Variants in FOXP1 observed in about 807,000 individuals in gnomAD.
FOXP1 encodes the protein forkhead box P1.
In FOXP1, 15 loss-of-function variants were observed where a neutral mutation model predicts 98.2. That is an observed-to-expected ratio of 0.15 (90% CI 0.10 to 0.24). The LOEUF (loss-of-function observed/expected upper bound fraction) is 0.24, where lower values mean the gene tolerates loss of function less well. Ranked by LOEUF, FOXP1 falls within the 10% of genes least tolerant of loss-of-function variation. The pLI, the probability that FOXP1 is intolerant of heterozygous loss-of-function variation, is 1.00. For missense variants in FOXP1, 633 were observed against 848.5 expected, an observed-to-expected ratio of 0.75 and a Z score of 3.15; for synonymous variants, 371 against 314.5, an observed-to-expected ratio of 1.18 and a Z score of -1.90.
intron 4 of FOXP1, among the ~76,000 whole-genome samples, chr3:71,345,497 C>G (rs2077280819): frequency 6.6e-6 from 1 of 151,284 alleles, no homozygotes; most frequent in Admixed American, 6.6e-5. Context: ...TGAAAAGATG[C>G]CTTTAGCTTT....
chr3:71,180,596 G>A lies in FOXP1; in HGVS notation c.180+17606C>T, dbSNP rs371538184. Among the ~76,000 whole-genome samples, 3 of 151,928 alleles carry A rather than the reference G, an allele frequency of 2.0e-5. No homozygotes were observed. In the East Asian group the frequency reaches 5.8e-4, roughly 29 times the overall value. On this transcript the variant is annotated intron_variant, in intron 6 of 20. Transcript: ENST00000649528. ...AACATGGTAGATTTTTTTCTCCCTT[G>A]CCTGTATTTGATTTCCAATTAAAAT...
intron 2 of FOXP1, among the ~76,000 whole-genome samples, chr3:71,522,557 T>C (rs2043072592): frequency 6.6e-6 from 1 of 152,218 alleles, no homozygotes; most frequent in Non-Finnish European, 1.5e-5. Context: ...GAAAAGGTAC[T>C]GGCCACCTCC....
intron 2 of FOXP1, among the ~76,000 whole-genome samples, chr3:71,551,713 C>A (rs2045793018): frequency 6.6e-6 from 1 of 152,150 alleles, no homozygotes; most frequent in Non-Finnish European, 1.5e-5. Context: ...AGGATCATTG[C>A]CACATAGGTG....
intron 5 of FOXP1, among the ~76,000 whole-genome samples, chr3:71,250,172 T>C (rs1386937860): frequency 1.3e-5 from 2 of 152,244 alleles, no homozygotes; most frequent in Non-Finnish European, 2.9e-5. Flanking sequence ...ACAGCATTCC[T>C]AGATGCTAGT....
At chr3:71,449,817 T>G (rs2086772965) in intron 3 of FOXP1, among the ~76,000 whole-genome samples, 1 of 152,206 alleles carries the variant, frequency 6.6e-6, no homozygotes, top group Non-Finnish European at 1.5e-5. Flanking sequence ...ATTGTTTCAT[T>G]AGATAAATAT....
intron 2 of FOXP1, among the ~76,000 whole-genome samples, chr3:71,536,419 G>A (rs766587364): frequency 1.1e-3 from 165 of 152,146 alleles, no homozygotes; most frequent in Non-Finnish European, 2.0e-3. Flanking sequence ...GCAACTGGCA[G>A]GATCATTTTT....
chr3:70,968,744 T>C (rs553892162), intron 19 of FOXP1: 1 of 152,332 alleles, frequency 6.6e-6, no homozygotes, highest in Admixed American at 6.5e-5. Flanking sequence ...TTTTTGAAGA[T>C]ATTGTTCCAC....
At chr3:71,174,175 A>C (rs2061796099) in intron 6 of FOXP1, among the ~76,000 whole-genome samples, 1 of 152,054 alleles carries the variant, frequency 6.6e-6, no homozygotes, top group South Asian at 2.1e-4. Context: ...AGCCAAAAAC[A>C]ATTTTTTTAC....
chr3:71,386,116 C>G (rs2080551667), intron 3 of FOXP1, among the ~76,000 whole-genome samples: 1 of 152,192 alleles, frequency 6.6e-6, no homozygotes, highest in African/African-American at 2.4e-5. Context: ...TGGGACCTCT[C>G]CATCACTGCC....
intron 3 of FOXP1, among the ~76,000 whole-genome samples, chr3:71,363,315 C>T (rs1444480074): frequency 6.6e-6 from 1 of 152,076 alleles, no homozygotes; most frequent in Non-Finnish European, 1.5e-5. Context: ...ATATTGTGTA[C>T]AACTTCTTAT....
intron 3 of FOXP1, among the ~76,000 whole-genome samples, chr3:71,430,061 G>A (rs4369992): frequency 0.4 from 60,320 of 151,958 alleles, 12,406 homozygotes; most frequent in African/African-American, 0.43. Context: ...GAAGTGATAC[G>A]AGAGGTTTTC....
In FOXP1 at chr3:71,405,716, GTATTTATT is replaced by G. The variant is rs527362472; in HGVS notation, c.-167-46480_-167-46473del. Among the ~76,000 whole-genome samples, 125 of 152,006 alleles carry G rather than the reference GTATTTATT, an allele frequency of 8.2e-4. No individual in the cohort carries two copies. The East Asian group carries it at 0.022, about 27-fold the overall frequency. Reference sequence around the variant, plus strand: ...TCTAAGATCGAGGGTCCAGGCAACAGTATTTATTTATTTATTTATTTATTTTTTTGAGA... The same window carrying G: ...TCTAAGATCGAGGGTCCAGGCAACAGTATTTATTTATTTATTTTTTTGAGA... On this transcript the variant is annotated intron_variant, in intron 3 of 20. Transcript: ENST00000649528.
chr3:71,457,523 A>G (rs529609809), intron 3 of FOXP1, among the ~76,000 whole-genome samples: 5 of 152,336 alleles, frequency 3.3e-5, no homozygotes, highest in African/African-American at 1.2e-4. Context: ...AATTAAAGCA[A>G]CAACTTTATC....
intron 3 of FOXP1, among the ~76,000 whole-genome samples, chr3:71,406,120 G>A (rs1399824544): frequency 6.6e-6 from 1 of 152,058 alleles, no homozygotes; most frequent in African/African-American, 2.4e-5. Context: ...CAGGCACGTG[G>A]TCCTTCCCCG....
chr3:71,304,555 C>A (rs2074113435), intron 4 of FOXP1: 1 of 152,162 alleles, frequency 6.6e-6, no homozygotes, highest in Non-Finnish European at 1.5e-5. Flanking sequence ...AAACTATTAT[C>A]TCTATCAATC....
At chr3:71,459,922 C>T (rs1195411442) in intron 3 of FOXP1, among the ~76,000 whole-genome samples, 2 of 151,558 alleles carry the variant, frequency 1.3e-5, no homozygotes, top group African/African-American at 2.4e-5. Flanking sequence ...ATATATCAGG[C>T]CCCATCTTCT....
At chr3:71,369,698 C>T (rs2079163006) in intron 3 of FOXP1, among the ~76,000 whole-genome samples, 1 of 152,084 alleles carries the variant, frequency 6.6e-6, no homozygotes, top group African/African-American at 2.4e-5. Context: ...CAGCAGGGAC[C>T]ATGTCTTAAT....
chr3:71,111,055 A>G (rs920391608), intron 7 of FOXP1, among the ~76,000 whole-genome samples: 4 of 152,230 alleles, frequency 2.6e-5, no homozygotes, highest in Non-Finnish European at 5.9e-5. Flanking sequence ...GTACATGTAG[A>G]AGAACTAGAA....
At chr3:71,579,148 C>T (rs914650851) in intron 2 of FOXP1, among the ~76,000 whole-genome samples, 1 of 151,846 alleles carries the variant, frequency 6.6e-6, no homozygotes, top group African/African-American at 2.4e-5. Context: ...TATTTTTATT[C>T]TTCTGTATGT....
Sources: allele counts gnomAD v4.1 joint callset (sites outside exome capture counted in the v4.1 genomes callset), GRCh38; gene constraint gnomAD v4.1.1; transcripts MANE v1.5; gene names NCBI Gene and HGNC (gene_info 2026-07-23, HGNC 2026-07-21).